Variants in DYM observed in about 807,000 individuals in gnomAD.
DYM encodes dyggve-Melchior-Clausen syndrome protein.
DYM carries 78 observed loss-of-function variants against 93.1 expected under a neutral mutation model. The ratio of observed to expected loss-of-function variants is 0.84; its 90% CI spans 0.70 to 1.01. The LOEUF is 1.01. Ranked by LOEUF, DYM falls within the 50% of genes least tolerant of loss-of-function variation. DYM has a pLI of 0.00. For synonymous variants in DYM, 321 were observed against 319.7 expected (o/e 1.00, Z -0.04); for missense variants, 789 against 845.0 (o/e 0.93, Z 0.82).
intron 4 of DYM, 41 bp from the exon 5 acceptor site, chr18:49,378,741 T>C (rs1167309285): frequency 2.5e-6 from 4 of 1,602,268 alleles, no homozygotes; most frequent in African/African-American, 2.7e-5. Flanking sequence ...TATTTAAACA[T>C]AAGCACCATA....
chr18:49,258,883 G>A, intron 11 of DYM, among the ~76,000 whole-genome samples: 1 of 112,352 alleles, frequency 8.9e-6, no homozygotes. Context: ...GAGAGAGAGA[G>A]AGATAGGCAG....
chr18:49,348,682 GT>G (rs2064836548), intron 6 of DYM, among the ~76,000 whole-genome samples: 1 of 152,052 alleles, frequency 6.6e-6, no homozygotes, highest in African/African-American at 2.4e-5. Context: ...GCCAAGGCGA[GT>G]GGATTACCTG....
At chr18:49,187,613 T>C (rs765731603) in intron 14 of DYM, among the ~76,000 whole-genome samples, 5 of 152,204 alleles carry the variant, frequency 3.3e-5, no homozygotes, top group Non-Finnish European at 7.3e-5. Flanking sequence ...GAAAGATATT[T>C]TTAATGGGAT....
intron 14 of DYM, among the ~76,000 whole-genome samples, chr18:49,178,458 C>T (rs2089609001): frequency 6.6e-6 from 1 of 152,140 alleles, no homozygotes; most frequent in Non-Finnish European, 1.5e-5. Context: ...ATAGCAAGAT[C>T]TCTATCCCAA....
At chr18:49,300,229 CA>C (rs1167660267) in intron 8 of DYM, among the ~76,000 whole-genome samples, 1 of 151,392 alleles carries the variant, frequency 6.6e-6, no homozygotes, top group Non-Finnish European at 1.5e-5. Context: ...TTGACATACT[CA>C]AAAACATAAA....
chr18:49,191,095 G>A (rs2090928603), intron 14 of DYM, among the ~76,000 whole-genome samples: 1 of 151,360 alleles, frequency 6.6e-6, no homozygotes, highest in African/African-American at 2.4e-5. Flanking sequence ...GGGGGGTTTG[G>A]GGGTTGGCAT....
intron 13 of DYM, among the ~76,000 whole-genome samples, chr18:49,214,416 C>T (rs528825020): frequency 6.6e-5 from 10 of 152,258 alleles, no homozygotes; most frequent in South Asian, 4.2e-4. Context: ...TGAAGTGGAA[C>T]GGTTTCATCC....
intron 13 of DYM, among the ~76,000 whole-genome samples, chr18:49,236,463 G>C (rs2144597326): frequency 1.4e-5 from 2 of 145,664 alleles, no homozygotes; most frequent in Middle Eastern, 7.2e-3. Flanking sequence ...CTGGGCGACA[G>C]AGCGAGACTC....
chr18:49,380,212 T>C (rs550275684), intron 3 of DYM, among the ~76,000 whole-genome samples: 6 of 152,094 alleles, frequency 3.9e-5, no homozygotes, highest in Non-Finnish European at 1.5e-5. Context: ...AGAAAACATA[T>C]CAACAAAGCA....
At chr18:49,261,220 C>A (rs1226147189) in intron 11 of DYM, among the ~76,000 whole-genome samples, 1 of 152,110 alleles carries the variant, frequency 6.6e-6, no homozygotes, top group Non-Finnish European at 1.5e-5. Context: ...GGCTTCCGTA[C>A]ACATATTTTC....
intron 15 of DYM, among the ~76,000 whole-genome samples, chr18:49,145,337 G>C (rs902057770): frequency 2.0e-5 from 3 of 151,552 alleles, no homozygotes; most frequent in Non-Finnish European, 2.9e-5. Context: ...TAGTCACTTA[G>C]ATGTTCAGTT....
intron 8 of DYM, 101 bp downstream of exon 8, chr18:49,331,763 T>C (rs2063321753): frequency 7.9e-7 from 1 of 1,265,968 alleles, no homozygotes; most frequent in African/African-American, 1.5e-5. Flanking sequence ...ACAAATTCAA[T>C]GTAACTATTA....
chr18:49,262,650 T>C (rs572792003), intron 11 of DYM, among the ~76,000 whole-genome samples: 3 of 152,350 alleles, frequency 2.0e-5, no homozygotes, highest in Middle Eastern at 3.4e-3. Context: ...TACTAGTTAG[T>C]AAATAGCTTT....
Position 49,400,693 on chromosome 18 carries a change from C to T in DYM, c.141-9048G>A, listed in dbSNP as rs140261418. ...CAGCCAGGCACACCCCTGCCAAAAG[C>T]AACACACCAATTATTTGTTACATTA... is the stretch of plus-strand genomic sequence containing the variant. On this transcript the variant is annotated intron_variant, in intron 2 of 17. Transcript: ENST00000675505. 5.9e-4 allele frequency among the ~76,000 whole-genome samples: 88 copies of T among 150,320 alleles called. 3 individuals are homozygous for T. The highest frequency in any genetic ancestry group is 2.0e-3 in the African/African-American group (83 of 41,248).
intron 15 of DYM, among the ~76,000 whole-genome samples, chr18:49,119,644 TATC>T (rs2082203914): frequency 6.6e-6 from 1 of 152,128 alleles, no homozygotes; most frequent in Non-Finnish European, 1.5e-5. Flanking sequence ...CTAAAACAAT[TATC>T]AACAAAGGTG....
intron 15 of DYM, among the ~76,000 whole-genome samples, chr18:49,150,146 C>T (rs1028757522): frequency 6.6e-6 from 1 of 152,188 alleles, no homozygotes; most frequent in African/African-American, 2.4e-5. Context: ...TGAGTTACTT[C>T]ACATAGAGGT....
intron 15 of DYM, among the ~76,000 whole-genome samples, chr18:49,156,417 G>A (rs1000677396): frequency 2.7e-5 from 4 of 149,840 alleles, no homozygotes; most frequent in Middle Eastern, 3.5e-3. Flanking sequence ...CTCAAACCAC[G>A]CCCCCCCCTC....
chr18:49,361,503 A>G (rs2066015191), intron 6 of DYM, among the ~76,000 whole-genome samples: 1 of 152,170 alleles, frequency 6.6e-6, no homozygotes, highest in African/African-American at 2.4e-5. Flanking sequence ...TTCCTTGTAC[A>G]TATGCATTTT....
chr18:49,227,306 C>T (rs567810973), intron 13 of DYM, among the ~76,000 whole-genome samples: 3 of 152,148 alleles, frequency 2.0e-5, no homozygotes, highest in Non-Finnish European at 4.4e-5. Flanking sequence ...GTTAGATAAT[C>T]TGGAGCCATG....
Sources: gnomAD v4.1 joint callset for allele counts (sites outside exome capture counted in the v4.1 genomes callset) on GRCh38, gnomAD v4.1.1 for gene constraint, MANE v1.5 for transcripts, NCBI Gene and HGNC (gene_info 2026-07-23, HGNC 2026-07-21) for gene names.